The following CHCHD6 variants were observed in gnomAD, a reference collection of about 807,000 sequenced individuals.
CHCHD6 encodes coiled-coil-helix-coiled-coil-helix domain containing 6.
In CHCHD6, 28 loss-of-function variants were observed where a neutral mutation model predicts 32.3. That is an observed-to-expected ratio of 0.87 (90% CI 0.64 to 1.19). CHCHD6 has a LOEUF of 1.19. CHCHD6 is among the 50% of genes most tolerant of loss of function. The probability of loss-of-function intolerance (pLI) is 0.00; values close to 1 mark genes in which losing one functional copy is unlikely to be tolerated. For synonymous variants in CHCHD6, 122 were observed against 117.5 expected, an observed-to-expected ratio of 1.04 and a Z score of -0.25; for missense variants, 333 against 307.0, an observed-to-expected ratio of 1.08 and a Z score of -0.63.
intron 6 of CHCHD6, chr3:126,949,670 C>T (rs535609743): frequency 3.3e-5 from 7 of 213,634 alleles, no homozygotes; most frequent in South Asian, 2.3e-4. Flanking sequence ...GGACTGCCGC[C>T]GTGGACGGAA....
intron 6 of CHCHD6, among the ~76,000 whole-genome samples, chr3:126,920,919 G>A (rs998545461): frequency 6.6e-6 from 1 of 152,214 alleles, no homozygotes; most frequent in African/African-American, 2.4e-5. Flanking sequence ...TCCTAGTTGC[G>A]TTGGTCCTTA....
intron 4 of CHCHD6, among the ~76,000 whole-genome samples, chr3:126,764,784 C>T (rs527281616): frequency 2.5e-4 from 38 of 152,330 alleles, no homozygotes; most frequent in South Asian, 1.0e-3. Flanking sequence ...AGGCTGTCTC[C>T]TGGAAGTTTG....
chr3:126,897,277 T>C (rs1462683498), intron 5 of CHCHD6, among the ~76,000 whole-genome samples: 3 of 152,338 alleles, frequency 2.0e-5, no homozygotes, highest in East Asian at 3.9e-4. Flanking sequence ...CTCTAAGTAC[T>C]ATGACCATGG....
At chr3:126,948,797 C>T (rs1016471353) in intron 6 of CHCHD6, among the ~76,000 whole-genome samples, 2 of 152,206 alleles carry the variant, frequency 1.3e-5, no homozygotes, top group Admixed American at 6.5e-5. Flanking sequence ...TACCTGGCTT[C>T]GAATTGAGGA....
intron 4 of CHCHD6, among the ~76,000 whole-genome samples, chr3:126,766,273 T>C (rs193156956): frequency 3.3e-5 from 5 of 152,190 alleles, no homozygotes; most frequent in Admixed American, 3.3e-4. Context: ...AAAAGGTAAA[T>C]ATTGGATCAC....
chr3:126,763,961 A>G (rs946070527), intron 4 of CHCHD6, among the ~76,000 whole-genome samples: 4 of 152,110 alleles, frequency 2.6e-5, no homozygotes, highest in African/African-American at 9.7e-5. Flanking sequence ...TAAAAATGGC[A>G]TATTTTATTT....
intron 4 of CHCHD6, among the ~76,000 whole-genome samples, chr3:126,818,891 T>C (rs1576454479): frequency 6.6e-6 from 1 of 152,146 alleles, no homozygotes. Flanking sequence ...GGGGCTGTGG[T>C]GTGCATGCCC....
intron 4 of CHCHD6, among the ~76,000 whole-genome samples, chr3:126,763,474 C>A (rs1010051685): frequency 2.0e-5 from 3 of 152,036 alleles, no homozygotes; most frequent in Non-Finnish European, 4.4e-5. Flanking sequence ...TAGGTGGTTG[C>A]CACCATGCCC....
At chr3:126,952,852 G>T (rs1175741454) in intron 6 of CHCHD6, among the ~76,000 whole-genome samples, 1 of 152,144 alleles carries the variant, frequency 6.6e-6, no homozygotes, top group African/African-American at 2.4e-5. Context: ...CTGTGTCTGT[G>T]GTCTCAGCCG....
At chr3:126,843,349 A>G (rs1343494939) in intron 4 of CHCHD6, among the ~76,000 whole-genome samples, 1 of 152,130 alleles carries the variant, frequency 6.6e-6, no homozygotes, top group Non-Finnish European at 1.5e-5. Context: ...CTCGAGGAAT[A>G]CTGGTTTGGT....
Position 126,832,881 on chromosome 3 carries a change from C to T in CHCHD6, c.412-19766C>T, listed in dbSNP as rs146981223. On this transcript the variant is annotated intron_variant, in intron 4 of 7. Transcript: ENST00000290913. ...GACCACAAGAGGGGAATTTCTCCCC[C>T]AGCCAAGGTCTACAGATATGGAAAG... Among the ~76,000 whole-genome samples, 504 of 152,294 alleles carry T rather than the reference C, an allele frequency of 3.3e-3. 4 individuals carry two copies. The highest frequency in any genetic ancestry group is 0.011 in the African/African-American group (470 of 41,554).
chr3:126,844,393 T>C (rs1475867303), intron 4 of CHCHD6, among the ~76,000 whole-genome samples: 1 of 152,222 alleles, frequency 6.6e-6, no homozygotes, highest in East Asian at 1.9e-4. Context: ...AGGAGTTTTA[T>C]TATAAGTACC....
intron 6 of CHCHD6, among the ~76,000 whole-genome samples, chr3:126,915,341 C>T (rs2078153669): frequency 6.6e-6 from 1 of 152,206 alleles, no homozygotes; most frequent in Non-Finnish European, 1.5e-5. Context: ...GAGGACTCAG[C>T]TGGAACGTCA....
intron 6 of CHCHD6, among the ~76,000 whole-genome samples, chr3:126,932,602 C>T (rs763227306): frequency 6.6e-6 from 1 of 152,190 alleles, no homozygotes; most frequent in African/African-American, 2.4e-5. Flanking sequence ...CTGTGGTGGG[C>T]GACCAGCAGC....
At chr3:126,763,626 G>T (rs1295950863) in intron 4 of CHCHD6, among the ~76,000 whole-genome samples, 2 of 152,098 alleles carry the variant, frequency 1.3e-5, no homozygotes, top group Non-Finnish European at 2.9e-5. Flanking sequence ...CAAGCATGAA[G>T]TACCACACTC....
At chr3:126,905,072 G>A (rs1369264813) in intron 5 of CHCHD6, among the ~76,000 whole-genome samples, 1 of 152,186 alleles carries the variant, frequency 6.6e-6, no homozygotes, top group Non-Finnish European at 1.5e-5. Context: ...GGGCAGAGCA[G>A]TCTGGAATGT....
chr3:126,906,739 T>C (rs2078013623), intron 5 of CHCHD6, among the ~76,000 whole-genome samples: 1 of 152,336 alleles, frequency 6.6e-6, no homozygotes, highest in Admixed American at 6.5e-5. Context: ...ATCCAGAGCG[T>C]TAGCTCTGTG....
intron 4 of CHCHD6, among the ~76,000 whole-genome samples, chr3:126,837,241 A>G (rs1940896840): frequency 6.6e-6 from 1 of 152,126 alleles, no homozygotes; most frequent in South Asian, 2.1e-4. Flanking sequence ...GGGTGACTTC[A>G]TTACTCTGTG....
At chr3:126,837,811 C>G (rs561430319) in intron 4 of CHCHD6, among the ~76,000 whole-genome samples, 2 of 152,236 alleles carry the variant, frequency 1.3e-5, no homozygotes, top group East Asian at 3.9e-4. Context: ...GAATGTGGTA[C>G]TTATTGGATA....
Sources: gnomAD v4.1 joint callset for allele counts (sites outside exome capture counted in the v4.1 genomes callset) on GRCh38, gnomAD v4.1.1 for gene constraint, MANE v1.5 for transcripts, NCBI Gene and HGNC (gene_info 2026-07-23, HGNC 2026-07-21) for gene names.